CNOT2: variants seen among roughly 807,000 people sequenced by gnomAD.
The protein encoded by CNOT2 is CCR4-NOT transcription complex subunit 2.
CNOT2 carries 7 observed loss-of-function variants against 72.1 expected under a neutral mutation model. That is an observed-to-expected ratio of 0.10 (90% confidence interval 0.06 to 0.18). CNOT2 has a LOEUF of 0.18. Among genes scored for constraint, CNOT2 ranks in the 10% least tolerant of loss-of-function variants. CNOT2 has a pLI of 1.00. For missense variants in CNOT2, 345 were observed against 660.3 expected (o/e 0.52, Z 5.23); for synonymous variants, 196 against 225.6 (o/e 0.87, Z 1.17).
At chr12:70,284,434 C>G (rs1870499132) in intron 2 of CNOT2, among the ~76,000 whole-genome samples, 1 of 151,960 alleles carries the variant, frequency 6.6e-6, no homozygotes, top group Non-Finnish European at 1.5e-5. Flanking sequence ...TCGGTAGATA[C>G]AGGATTTTAC....
intron 7 of CNOT2, among the ~76,000 whole-genome samples, chr12:70,333,503 G>A (rs1880252726): frequency 6.6e-6 from 1 of 151,840 alleles, no homozygotes; most frequent in Non-Finnish European, 1.5e-5. Flanking sequence ...CCACCCTACA[G>A]ACCCTTTCCT....
chr12:70,286,811 T>C (rs1414216322), intron 2 of CNOT2, among the ~76,000 whole-genome samples: 5 of 137,414 alleles, frequency 3.6e-5, no homozygotes, highest in Non-Finnish European at 8.0e-5. Context: ...TAGTTTTCTT[T>C]GTGGAAGAAT....
At chr12:70,304,173 T>G (rs1359645617) in intron 2 of CNOT2, among the ~76,000 whole-genome samples, 1 of 151,870 alleles carries the variant, frequency 6.6e-6, no homozygotes, top group Non-Finnish European at 1.5e-5. Context: ...CGGAGTAGTT[T>G]GATCTTCTGA....
intron 13 of CNOT2, chr12:70,343,807 C>G: frequency 4.8e-6 from 1 of 210,454 alleles, no homozygotes; most frequent in Non-Finnish European, 9.4e-6. Flanking sequence ...GAGCACAATG[C>G]TATTGTTAGG....
chr12:70,285,216 GTTTTTT>G (rs1172661205), intron 2 of CNOT2, among the ~76,000 whole-genome samples: 1 of 143,990 alleles, frequency 6.9e-6, no homozygotes, highest in Non-Finnish European at 1.5e-5. Context: ...TTTTGTTTTT[GTTTTTT>G]TTTTTTAGAC....
intron 4 of CNOT2, chr12:70,323,689 T>G (rs1295679943): frequency 6.6e-6 from 1 of 151,800 alleles, no homozygotes; most frequent in Non-Finnish European, 1.5e-5. Flanking sequence ...GTTAGGCTGT[T>G]ATATTGATTT....
At chr12:70,321,646 G>T (rs913966206) in intron 4 of CNOT2, 1 of 151,808 alleles carries the variant, frequency 6.6e-6, no homozygotes, top group African/African-American at 2.4e-5. Flanking sequence ...ATTCTGTTCA[G>T]TTGGCAAACT....
chr12:70,330,352 T>G lies in CNOT2; in HGVS notation c.452T>G (p.Ile151Ser), dbSNP rs758439771. ...TCCCAGGTTGGTCAGGGCATTGGAATTCCTAGCAGGACAAATAGCATGAGC... is the reference window on the plus strand; with the variant it reads ...TCCCAGGTTGGTCAGGGCATTGGAAGTCCTAGCAGGACAAATAGCATGAGC... ...NHSQVGQGIG[I>S]PSRTNSMSSS... is the part of the protein sequence containing the mutation. The change falls in exon 6 of 16, where the codon ATT becomes AGT. Residue 151 changes from isoleucine (I) to serine (S), a missense_variant. Around this residue, in one of 4 missense-constraint regions of CNOT2, gnomAD observed 157 missense variants for 235.3 expected, o/e 0.67. Transcript: ENST00000229195. 6.2e-7 allele frequency: 1 copy of G among 1,611,522 alleles called. No homozygotes were observed. Among genetic ancestry groups the G allele is most frequent in the Non-Finnish European group, 8.5e-7 (1 of 1,178,162 alleles).
chr12:70,305,873 G>GTTTTTTTTTTTTTTTT (rs11412509), intron 2 of CNOT2, among the ~76,000 whole-genome samples: 2 of 60,064 alleles, frequency 3.3e-5, no homozygotes, highest in Admixed American at 2.3e-4. Flanking sequence ...TCTGAAGTTT[G>GTTTTTTTTTTTTTTTT]TTTTTTTTTT....
chr12:70,247,679 T>C (rs984435088), intron 1 of CNOT2, among the ~76,000 whole-genome samples: 4 of 152,232 alleles, frequency 2.6e-5, no homozygotes, highest in Non-Finnish European at 4.4e-5. Flanking sequence ...GTATTGTAAT[T>C]TACTGTCCAT....
intron 2 of CNOT2, among the ~76,000 whole-genome samples, chr12:70,283,930 ATTTTTTTT>A (rs776119049): frequency 2.6e-5 from 3 of 117,432 alleles, no homozygotes; most frequent in East Asian, 5.4e-4. Flanking sequence ...CATGATGTAA[ATTTTTTTT>A]TTTTTTTTTT....
chr12:70,293,014 A>G (rs528812842), intron 2 of CNOT2, among the ~76,000 whole-genome samples: 41 of 152,144 alleles, frequency 2.7e-4, no homozygotes, highest in Non-Finnish European at 5.1e-4. Flanking sequence ...AATAATATCT[A>G]TTTATGCTAT....
intron 6 of CNOT2, chr12:70,331,024 G>A (rs1392652782): frequency 6.6e-6 from 1 of 151,944 alleles, no homozygotes; most frequent in Admixed American, 6.6e-5. Context: ...CATATACTTT[G>A]CGAATAAGAG....
chr12:70,331,973 T>A (rs1880020033), intron 6 of CNOT2, among the ~76,000 whole-genome samples: 1 of 151,746 alleles, frequency 6.6e-6, no homozygotes, highest in Admixed American at 6.6e-5. Flanking sequence ...TGCCTTATTT[T>A]TTTTTTTTTC....
At chr12:70,291,902 A>G (rs1871971220) in intron 2 of CNOT2, among the ~76,000 whole-genome samples, 1 of 152,188 alleles carries the variant, frequency 6.6e-6, no homozygotes, top group Non-Finnish European at 1.5e-5. Flanking sequence ...GTGCCACTGC[A>G]CTCCAGTCTG....
At chr12:70,278,372 C>T (rs1869219954) in intron 2 of CNOT2, 98 bp downstream of exon 2, 6 of 763,874 alleles carry the variant, frequency 7.9e-6, no homozygotes, top group Non-Finnish European at 1.3e-5. Flanking sequence ...AAATTGGTTA[C>T]ACCTCAATTT....
At chr12:70,317,292 G>A (rs553198470) in intron 3 of CNOT2, among the ~76,000 whole-genome samples, 18 of 152,034 alleles carry the variant, frequency 1.2e-4, no homozygotes, top group African/African-American at 3.4e-4. Context: ...TCCAGGATAC[G>A]TGCGCACAAC....
At chr12:70,315,521 G>T (rs1313244734) in intron 3 of CNOT2, among the ~76,000 whole-genome samples, 54 of 152,106 alleles carry the variant, frequency 3.6e-4, no homozygotes, top group Non-Finnish European at 5.9e-5. Context: ...TGCTGTCATG[G>T]TCATGGAATT....
chr12:70,342,302 G>A lies in CNOT2; in HGVS notation c.1285G>A (p.Asp429Asn). The change falls in exon 13 of 16, where the codon GAT becomes AAT. Residue 429 changes from aspartate to asparagine, a missense_variant. This residue lies in a region of CNOT2 where 53 missense variants were observed against 153.4 expected (regional missense o/e 0.35). Transcript: ENST00000229195. ...SEYLTNIHIR[D>N]KLAAIKLGRY... Reference sequence around the variant, plus strand: ...GTACTTAACGAACATTCACATTAGGGATAAGGTGAGTGTAGTTTATTATTC... The same window carrying A: ...GTACTTAACGAACATTCACATTAGGAATAAGGTGAGTGTAGTTTATTATTC... 6.2e-7 allele frequency: 1 copy of A among 1,613,052 alleles called. No individual in the cohort carries two copies. The highest frequency in any genetic ancestry group is 8.5e-7 in the Non-Finnish European group (1 of 1,179,506).
Sources: allele counts gnomAD v4.1 joint callset (sites outside exome capture counted in the v4.1 genomes callset), GRCh38; gene constraint gnomAD v4.1.1; regional missense constraint gnomAD v4.1.1; transcripts MANE v1.5; gene names NCBI Gene and HGNC (gene_info 2026-07-23, HGNC 2026-07-21).